SUSD3: variants seen among roughly 807,000 people sequenced by gnomAD.
SUSD3 encodes sushi domain-containing protein 3.
SUSD3 carries 18 observed loss-of-function variants against 20.6 expected under a neutral mutation model. The ratio of observed to expected loss-of-function variants is 0.87; its 90% CI spans 0.60 to 1.30. SUSD3 has a LOEUF of 1.30. Ranked by LOEUF, SUSD3 falls within the 50% of genes most tolerant of loss-of-function variation. The pLI is 0.00. For missense variants in SUSD3, 306 were observed against 346.9 expected (o/e 0.88, Z 0.94); for synonymous variants, 137 against 141.5 (o/e 0.97, Z 0.23).
intron 1 of SUSD3, among the ~76,000 whole-genome samples, chr9:93,063,939 C>T (rs1825604392): frequency 6.6e-6 from 1 of 152,188 alleles, no homozygotes; most frequent in Non-Finnish European, 1.5e-5. Context: ...GCTTGTATTC[C>T]AAATCGTTCT....
intron 4 of SUSD3, among the ~76,000 whole-genome samples, chr9:93,083,862 AAG>A (rs1166480416): frequency 6.6e-6 from 1 of 152,154 alleles, no homozygotes; most frequent in Non-Finnish European, 1.5e-5. Context: ...TGAAAGGACT[AAG>A]AGAGCCTGCT....
chr9:93,076,688 G>A (rs1309339698), intron 2 of SUSD3, among the ~76,000 whole-genome samples: 1 of 152,260 alleles, frequency 6.6e-6, no homozygotes, highest in Non-Finnish European at 1.5e-5. Flanking sequence ...CTCTGAGGAT[G>A]CGAGTGTTAG....
chr9:93,060,373 ACAGGCCCAGTGG>A (rs1297173408), intron 1 of SUSD3, among the ~76,000 whole-genome samples: 1 of 152,090 alleles, frequency 6.6e-6, no homozygotes, highest in Non-Finnish European at 1.5e-5. Context: ...AAGCTTGTGG[ACAGGCCCAGTGG>A]AGCCCAGGGA....
Position 93,084,794 on chromosome 9 carries a change from T to C in SUSD3, c.*47T>C. ...CATGCTCCACACTGGGAGGCCAGGC[T>C]GACCCCACCAGCCAGTCAGCTACAA... On this transcript the variant is annotated 3_prime_UTR_variant, in exon 5 of 5. Coordinates refer to ENST00000375472, the MANE Select transcript of SUSD3 (RefSeq NM_145006.4). The C allele has an allele frequency of 1.4e-6, 2 of 1,428,660 alleles. No homozygotes were observed. The highest frequency in any genetic ancestry group is 1.8e-6 in the Non-Finnish European group (2 of 1,089,046). 88.5% of individuals were successfully genotyped at this position (1,428,660 alleles called of 1,614,324 possible).
At chr9:93,077,804 G>C in intron 2 of SUSD3, 42 bp from the exon 3 acceptor site, 1 of 1,611,992 alleles carries the variant, frequency 6.2e-7, no homozygotes, top group Non-Finnish European at 8.5e-7. Flanking sequence ...AAGCAAATCT[G>C]GGCAAACCTC....
At chr9:93,069,261 C>A in intron 1 of SUSD3, 1 of 632,864 alleles carries the variant, frequency 1.6e-6, no homozygotes, top group Non-Finnish European at 2.9e-6. Context: ...GTTATCAGAC[C>A]CCCTGATACT....
intron 1 of SUSD3, chr9:93,069,144 A>G (rs1231158477): frequency 1.4e-6 from 1 of 702,778 alleles, no homozygotes; most frequent in South Asian, 1.5e-5. Context: ...TTCCAGAGAT[A>G]ATTTGTAAGT....
chr9:93,065,395 A>G (rs565498150), intron 1 of SUSD3, among the ~76,000 whole-genome samples: 6 of 152,186 alleles, frequency 3.9e-5, no homozygotes, highest in African/African-American at 9.7e-5. Flanking sequence ...CAGACACTCA[A>G]CCAGGCGCTG....
chr9:93,079,639 C>A, intron 4 of SUSD3, 37 bp downstream of exon 4: 1 of 1,608,718 alleles, frequency 6.2e-7, no homozygotes. Context: ...TGCTGGGGGA[C>A]AAGGGGTCCA....
Position 93,079,579 on chromosome 9 carries a change from G to T in SUSD3, c.534G>T (p.Ala178=), listed in dbSNP as rs144154258. The change falls in exon 4 of 5, where the codon GCG becomes GCT. Residue 178 remains alanine (A), a synonymous_variant. Transcript: ENST00000375472. ...AACCCGTGAGCGGGCCCAGCCAGGC[G>T]CACGACAACCACAGCTTCACCACGT... ...FNKPVSGPSQ[A]HDNHSFTTDH... The T allele has an allele frequency of 2.5e-6, 4 of 1,613,900 alleles. No individual in the cohort carries two copies. The highest frequency in any genetic ancestry group is 1.7e-5 in the Admixed American group (1 of 60,018).
chr9:93,066,162 G>A (rs1825702611), intron 1 of SUSD3, among the ~76,000 whole-genome samples: 1 of 152,156 alleles, frequency 6.6e-6, no homozygotes, highest in African/African-American at 2.4e-5. Context: ...CCCCTCCTCT[G>A]CAGCCTCCTC....
intron 1 of SUSD3, among the ~76,000 whole-genome samples, chr9:93,070,438 G>A (rs764029748): frequency 3.9e-5 from 6 of 152,240 alleles, no homozygotes; most frequent in Non-Finnish European, 8.8e-5. Flanking sequence ...CCAGAGGCTG[G>A]CCTTCCCCAG....
At chr9:93,083,704 G>C (rs1268785435) in intron 4 of SUSD3, among the ~76,000 whole-genome samples, 1 of 152,188 alleles carries the variant, frequency 6.6e-6, no homozygotes, top group Non-Finnish European at 1.5e-5. Flanking sequence ...GCTGCCTTTC[G>C]TCTCCACCAG....
At chr9:93,072,138 C>G (rs73651354) in intron 1 of SUSD3, among the ~76,000 whole-genome samples, 9,745 of 152,112 alleles carry the variant, frequency 0.064, 982 homozygotes, top group African/African-American at 0.22. Flanking sequence ...CCTCCCCCAT[C>G]CCTCCCAGAA....
At position 93,079,734 on chromosome 9, in the gene SUSD3, C is replaced by A. The variant is rs945061621; in HGVS notation, c.557+132C>A. 5 of 911,100 alleles carry A rather than the reference C, an allele frequency of 5.5e-6. No homozygotes were observed. In the East Asian group the frequency reaches 1.3e-4, roughly 24 times the overall value. The allele number at this position is 911,100 out of a possible 1,614,324, so 56.4% of individuals were successfully genotyped here. A position where few individuals can be genotyped will look rare whatever the true frequency, so the allele number is the denominator to read the frequency against. The stretch of plus-strand genomic sequence containing the variant: ...ACGCCTAGCCCACCCAGAACCTTAA[C>A]TCCCATCTCTAAAACAAGAGGCTGG... On this transcript the variant is annotated intron_variant, in intron 4 of 4. Transcript: ENST00000375472.
At chr9:93,079,063 A>G (rs1826294421) in intron 3 of SUSD3, among the ~76,000 whole-genome samples, 1 of 152,106 alleles carries the variant, frequency 6.6e-6, no homozygotes, top group Admixed American at 6.5e-5. Flanking sequence ...CGGCCTCCCA[A>G]AGTGCTGGGA....
chr9:93,081,027 A>C (rs1373501722), intron 4 of SUSD3, among the ~76,000 whole-genome samples: 5 of 152,190 alleles, frequency 3.3e-5, no homozygotes, highest in Non-Finnish European at 7.3e-5. Context: ...GTCACCAGCT[A>C]AGCCAGGCAA....
rs560858675 is a variant in SUSD3, at chr9:93,080,224, CAGG to C, written c.557+625_557+627del. ...ATCCCAGCTACTTGGGAGGCAGAGA[CAGG>C]AGAATCACTTGAACCCAGGAGGCGG... On this transcript the variant is annotated intron_variant, in intron 4 of 4. Coordinates refer to ENST00000375472, the MANE Select transcript of SUSD3 (RefSeq NM_145006.4). 1.5e-3 allele frequency among the ~76,000 whole-genome samples: 210 copies of C among 144,276 alleles called. 1 individual carries two copies. Among genetic ancestry groups the C allele is most frequent in the African/African-American group, 5.2e-3 (202 of 38,888 alleles). 94.7% of individuals were successfully genotyped at this position (144,276 alleles called of 152,430 possible).
chr9:93,065,662 C>A (rs1825680770), intron 1 of SUSD3, among the ~76,000 whole-genome samples: 1 of 152,260 alleles, frequency 6.6e-6, no homozygotes, highest in African/African-American at 2.4e-5. Flanking sequence ...CCCATAGCCA[C>A]CTCCTTGGCC....
Sources: gnomAD v4.1 joint callset for allele counts (sites outside exome capture counted in the v4.1 genomes callset) on GRCh38, gnomAD v4.1.1 for gene constraint, MANE v1.5 for transcripts, NCBI Gene and HGNC (gene_info 2026-07-23, HGNC 2026-07-21) for gene names.